USP32: variants seen among roughly 807,000 people sequenced by gnomAD.
USP32 encodes the protein ubiquitin carboxyl-terminal hydrolase 32.
In USP32, 59 loss-of-function variants were observed where a neutral mutation model predicts 204.8. The ratio of observed to expected loss-of-function variants is 0.29; its 90% CI spans 0.23 to 0.36. The LOEUF (loss-of-function observed/expected upper bound fraction) is 0.36, where lower values mean the gene tolerates loss of function less well. USP32 is among the 10% of genes least tolerant of loss of function. The probability of loss-of-function intolerance (pLI) is 1.00; values close to 1 mark genes in which losing one functional copy is unlikely to be tolerated. For synonymous variants in USP32, 517 were observed against 678.4 expected (o/e 0.76, Z 3.70); for missense variants, 1,160 against 1,946.4 (o/e 0.60, Z 7.60).
At chr17:60,242,868 T>C (rs1265356767) in intron 11 of USP32, among the ~76,000 whole-genome samples, 1 of 152,254 alleles carries the variant, frequency 6.6e-6, no homozygotes, top group Admixed American at 6.5e-5. Flanking sequence ...GTCTGAGTTC[T>C]CTGCATTTCC....
intron 18 of USP32, among the ~76,000 whole-genome samples, chr17:60,212,528 T>G (rs2084997513): frequency 1.3e-5 from 2 of 152,032 alleles, no homozygotes; most frequent in African/African-American, 2.4e-5. Flanking sequence ...AACATCTTTT[T>G]GCAGCACATG....
At chr17:60,392,649 C>T (rs1439020173), upstream of USP32, 5 of 449,580 alleles carry the variant, frequency 1.1e-5, no homozygotes, top group Non-Finnish European at 2.2e-5. Context: ...AGTGGGTAGG[C>T]AGGGAGCTCC....
intron 26 of USP32, among the ~76,000 whole-genome samples, chr17:60,202,285 A>T (rs1420641755): frequency 6.6e-6 from 1 of 152,210 alleles, no homozygotes; most frequent in African/African-American, 2.4e-5. Flanking sequence ...TCTTGTACCA[A>T]TATGACATTA....
At chr17:60,346,882 T>A (rs972593647) in intron 1 of USP32, among the ~76,000 whole-genome samples, 12 of 152,308 alleles carry the variant, frequency 7.9e-5, no homozygotes, top group South Asian at 6.2e-4. Flanking sequence ...AGTATCTTAC[T>A]ACAGCAAAGC....
intron 5 of USP32, among the ~76,000 whole-genome samples, chr17:60,276,966 T>TATATATATATATATATATATATATAA (rs60544670): frequency 3.3e-5 from 5 of 149,886 alleles, no homozygotes; most frequent in African/African-American, 1.2e-4. Context: ...TATATATATA[T>TATATATATATATATATATATATATAA]AAAATTACCA....
intron 3 of USP32, 181 bp downstream of exon 3, chr17:60,301,418 G>T: frequency 2.2e-6 from 1 of 461,658 alleles, no homozygotes; most frequent in Non-Finnish European, 3.8e-6. Context: ...GTATCTCACT[G>T]TAATTTTAAT....
At chr17:60,229,100 G>C (rs1383073898) in intron 12 of USP32, among the ~76,000 whole-genome samples, 1 of 151,486 alleles carries the variant, frequency 6.6e-6, no homozygotes, top group Non-Finnish European at 1.5e-5. Flanking sequence ...TTTTAATACA[G>C]GGTCTTGCTC....
chr17:60,355,871 AATGGCTGAACCTCTGT>A (rs2089061388), intron 1 of USP32, among the ~76,000 whole-genome samples: 1 of 138,088 alleles, frequency 7.2e-6, no homozygotes, highest in Non-Finnish European at 1.5e-5. Context: ...AAAAAAAAAG[AATGGCTGAACCTCTGT>A]AAAAAAAAAA....
intron 1 of USP32, among the ~76,000 whole-genome samples, chr17:60,415,885 G>A (rs2090057691): frequency 6.6e-6 from 1 of 152,076 alleles, no homozygotes; most frequent in South Asian, 2.1e-4. Flanking sequence ...TGTTGCCCAG[G>A]CTGGAGTGCA....
At chr17:60,246,030 A>G (rs1192931158) in intron 11 of USP32, among the ~76,000 whole-genome samples, 1 of 152,066 alleles carries the variant, frequency 6.6e-6, no homozygotes, top group African/African-American at 2.4e-5. Flanking sequence ...TGGGTTGGGA[A>G]TATTCCGAAT....
chr17:60,367,300 G>C (rs569430046), intron 1 of USP32, among the ~76,000 whole-genome samples: 78 of 152,252 alleles, frequency 5.1e-4, no homozygotes, highest in African/African-American at 1.7e-3. Context: ...CTTGAACTCA[G>C]GAGTTCAAGA....
rs2084227795 is a variant in USP32, at chr17:60,185,481, G to A, written c.3813C>T (p.Leu1271=). 4 of 1,609,122 alleles carry A rather than the reference G, an allele frequency of 2.5e-6. No homozygotes were observed. Among genetic ancestry groups the A allele is most frequent in the Non-Finnish European group, 1.7e-6 (2 of 1,177,466 alleles). Residue 1271 remains leucine (L), a synonymous_variant, in exon 30 of 34, where the codon CTC becomes CTT. Transcript: ENST00000300896. ...ATACCAGGATGGGTGGAAGCCTCCA[G>A]AGATCCAGCTTCTTTGTTGCTAAGC... is the stretch of plus-strand genomic sequence containing the variant. ...THCLATKKLD[L]WRLPPILIIH...
chr17:60,235,948 T>C (rs2085712782), intron 12 of USP32, among the ~76,000 whole-genome samples, 190 bp downstream of exon 12: 1 of 152,222 alleles, frequency 6.6e-6, no homozygotes, highest in African/African-American at 2.4e-5. Flanking sequence ...GAAATGTATG[T>C]GGAAGTGTAA....
At chr17:60,188,302 T>C (rs1240726306) in intron 29 of USP32, among the ~76,000 whole-genome samples, 1 of 152,148 alleles carries the variant, frequency 6.6e-6, no homozygotes, top group East Asian at 1.9e-4. Flanking sequence ...AGGTATAATA[T>C]TCATGTTGGA....
chr17:60,193,962 C>T (rs2084449525), intron 27 of USP32, among the ~76,000 whole-genome samples: 1 of 152,144 alleles, frequency 6.6e-6, no homozygotes. Flanking sequence ...GCAGCACTTC[C>T]CTTCTGAAAA....
At chr17:60,344,840 T>A (rs570982167) in intron 2 of USP32, among the ~76,000 whole-genome samples, 1 of 152,126 alleles carries the variant, frequency 6.6e-6, no homozygotes, top group African/African-American at 2.4e-5. Context: ...TTTATTTTAT[T>A]TTTTTTAGAG....
At chr17:60,267,663 G>C (rs2086628442) in intron 7 of USP32, among the ~76,000 whole-genome samples, 1 of 151,898 alleles carries the variant, frequency 6.6e-6, no homozygotes, top group Non-Finnish European at 1.5e-5. Context: ...TGGGACTATA[G>C]GTGTCCACCA....
intron 1 of USP32, among the ~76,000 whole-genome samples, chr17:60,346,456 G>A (rs1284889901): frequency 6.6e-6 from 1 of 152,048 alleles, no homozygotes; most frequent in Non-Finnish European, 1.5e-5. Context: ...CTATCCATAT[G>A]GAGAACAGTC....
chr17:60,205,231 T>C (rs967514855), intron 26 of USP32, among the ~76,000 whole-genome samples: 4 of 152,252 alleles, frequency 2.6e-5, no homozygotes, highest in Non-Finnish European at 4.4e-5. Context: ...TCACTTATAT[T>C]AGCATATATA....
Sources: gnomAD v4.1 joint callset for allele counts (sites outside exome capture counted in the v4.1 genomes callset) on GRCh38, gnomAD v4.1.1 for gene constraint, MANE v1.5 for transcripts, NCBI Gene and HGNC (gene_info 2026-07-23, HGNC 2026-07-21) for gene names.